EDA: variants seen among roughly 807,000 people sequenced by gnomAD.
EDA encodes the protein ectodysplasin A.
A neutral mutation model predicts 23.6 loss-of-function variants in EDA; 2 were observed. The observed-to-expected ratio is 0.08, with a 90% CI of 0.03 to 0.27. The LOEUF is 0.27. EDA is among the 10% of genes least tolerant of loss of function. EDA has a pLI of 1.00. For synonymous variants in EDA, 131 were observed against 132.0 expected, an observed-to-expected ratio of 0.99 and a Z score of 0.05; for missense variants, 229 against 324.2, an observed-to-expected ratio of 0.71 and a Z score of 2.26.
At chrX:69,947,222 G>A (rs1335170763) in intron 1 of EDA, among the ~76,000 whole-genome samples, 2 of 112,578 alleles carry the variant, frequency 1.8e-5, no homozygotes, top group Non-Finnish European at 3.8e-5. Flanking sequence ...TTTATTCAAA[G>A]ATGTCACTAC....
At chrX:69,648,585 G>A (rs1378743089) in intron 1 of EDA, among the ~76,000 whole-genome samples, 1 of 112,387 alleles carries the variant, frequency 8.9e-6, no homozygotes, top group Non-Finnish European at 1.9e-5. Flanking sequence ...AGCAGAGATG[G>A]TGGCCGCCCC....
chrX:69,778,861 G>A (rs2014860942), intron 1 of EDA, among the ~76,000 whole-genome samples: 1 of 111,430 alleles, frequency 9.0e-6, no homozygotes. Flanking sequence ...TCAGCTGTTA[G>A]CAAACGTTTT....
chrX:69,715,735 C>A (rs963847804), intron 1 of EDA, among the ~76,000 whole-genome samples: 17 of 112,071 alleles, frequency 1.5e-4, no homozygotes, highest in African/African-American at 5.5e-4. Flanking sequence ...TGCAACCTCT[C>A]CAGCATCTGT....
At chrX:69,862,778 C>G (rs1036621759) in intron 1 of EDA, among the ~76,000 whole-genome samples, 1 of 111,125 alleles carries the variant, frequency 9.0e-6, no homozygotes, top group African/African-American at 3.3e-5. Context: ...TGAGTGGCAA[C>G]TGAGTGAAGT....
chrX:69,997,997 C>G (rs2019684690), intron 2 of EDA, among the ~76,000 whole-genome samples: 1 of 112,367 alleles, frequency 8.9e-6, no homozygotes, highest in Non-Finnish European at 1.9e-5. Flanking sequence ...TCTGCTAGGG[C>G]AATGCAGAAG....
intron 1 of EDA, among the ~76,000 whole-genome samples, chrX:69,886,472 G>A (rs144505025): frequency 2.5e-4 from 28 of 111,317 alleles, no homozygotes; most frequent in African/African-American, 8.8e-4. Context: ...CAGCTTGTAG[G>A]CCCTAAAACA....
intron 1 of EDA, among the ~76,000 whole-genome samples, chrX:69,828,323 C>G (rs184909157): frequency 7.1e-4 from 80 of 112,328 alleles, no homozygotes; most frequent in African/African-American, 2.5e-3. Context: ...GCAGTTTGAT[C>G]TCAGACTGCT....
rs149622542 is a variant in EDA, at chrX:69,631,982, A to G, written c.396+15278A>G. Among the ~76,000 whole-genome samples the G allele has an allele frequency of 7.9e-3, 879 of 111,963 alleles. 2 individuals carry two copies. Among genetic ancestry groups the G allele is most frequent in the Middle Eastern group, 0.023 (5 of 217 alleles). On this transcript the variant is annotated intron_variant, in intron 1 of 7. Coordinates refer to ENST00000374552, the MANE Select transcript of EDA (RefSeq NM_001399.5). Reference sequence around the variant, plus strand: ...GACCTTACTTATTTGGCCTATAACTATATATCCTCTTATGACAGTTCTTGT... The same window carrying G: ...GACCTTACTTATTTGGCCTATAACTGTATATCCTCTTATGACAGTTCTTGT...
intron 1 of EDA, among the ~76,000 whole-genome samples, chrX:69,705,087 G>A (rs771362744): frequency 2.7e-5 from 3 of 109,139 alleles, no homozygotes; most frequent in South Asian, 4.0e-4. Flanking sequence ...GCTGGATGTC[G>A]TGATGGGCAC....
chrX:69,834,532 CTTTTT>C (rs56353023), intron 1 of EDA, among the ~76,000 whole-genome samples: 16 of 86,135 alleles, frequency 1.9e-4, no homozygotes, highest in African/African-American at 1.8e-4. Context: ...GCAACCCCTG[CTTTTT>C]TTTTTTTTTT....
intron 2 of EDA, among the ~76,000 whole-genome samples, chrX:70,013,272 G>T (rs2019901714): frequency 1.8e-5 from 2 of 111,170 alleles, no homozygotes; most frequent in Non-Finnish European, 3.8e-5. Context: ...GCCTGGTTGT[G>T]TCACTGTACC....
chrX:69,943,935 T>C (rs1176990398), intron 1 of EDA, among the ~76,000 whole-genome samples: 1 of 103,316 alleles, frequency 9.7e-6, no homozygotes, highest in Non-Finnish European at 2.0e-5. Context: ...AGCAGAAGAG[T>C]CTCTCCCTGT....
intron 1 of EDA, among the ~76,000 whole-genome samples, chrX:69,708,043 T>C (rs2011805598): frequency 8.9e-6 from 1 of 112,193 alleles, no homozygotes; most frequent in South Asian, 3.7e-4. Flanking sequence ...TGGGTACTTT[T>C]ACTTAGTCAC....
At chrX:69,622,094 G>A (rs1358161061) in intron 1 of EDA, among the ~76,000 whole-genome samples, 1 of 111,303 alleles carries the variant, frequency 9.0e-6, no homozygotes, top group Non-Finnish European at 1.9e-5. Context: ...TTCGTTGCTC[G>A]AATATACCAC....
intron 1 of EDA, among the ~76,000 whole-genome samples, chrX:69,903,762 A>G (rs905594803): frequency 3.6e-5 from 4 of 110,955 alleles, no homozygotes; most frequent in Non-Finnish European, 7.6e-5. Flanking sequence ...TTAAATTAAA[A>G]AACTATATTA....
At chrX:69,903,618 C>T (rs923130650) in intron 1 of EDA, among the ~76,000 whole-genome samples, 3 of 108,966 alleles carry the variant, frequency 2.8e-5, no homozygotes, top group African/African-American at 1.0e-4. Flanking sequence ...CACACACACA[C>T]ATATCTTGGG....
At chrX:69,832,130 GA>G (rs2016628013) in intron 1 of EDA, among the ~76,000 whole-genome samples, 1 of 111,638 alleles carries the variant, frequency 9.0e-6, no homozygotes, top group African/African-American at 3.3e-5. Flanking sequence ...TGTCCTGAAT[GA>G]TATTGCCTAG....
At chrX:69,811,921 C>T (rs890678304) in intron 1 of EDA, among the ~76,000 whole-genome samples, 1 of 111,118 alleles carries the variant, frequency 9.0e-6, no homozygotes, top group Non-Finnish European at 1.9e-5. Context: ...GTTACCAGGC[C>T]CTCTTATCAC....
At chrX:69,784,611 G>A (rs1329247241) in intron 1 of EDA, among the ~76,000 whole-genome samples, 1 of 107,674 alleles carries the variant, frequency 9.3e-6, no homozygotes, top group Non-Finnish European at 1.9e-5. Context: ...TAGATATGTG[G>A]CGTTATTTTT....
Sources: allele counts gnomAD v4.1 joint callset (sites outside exome capture counted in the v4.1 genomes callset), GRCh38; gene constraint gnomAD v4.1.1; transcripts MANE v1.5; gene names NCBI Gene and HGNC (gene_info 2026-07-23, HGNC 2026-07-21).